Variants in CNTN4 observed in about 807,000 individuals in gnomAD.
CNTN4 encodes the protein contactin 4.
In CNTN4, 77 loss-of-function variants were observed where a neutral mutation model predicts 122.5. The observed-to-expected ratio is 0.63, with a 90% CI of 0.52 to 0.76. The LOEUF is 0.76. Ranked by LOEUF, CNTN4 falls within the 30% of genes least tolerant of loss-of-function variation. CNTN4 has a pLI of 0.00. For synonymous variants in CNTN4, 512 were observed against 447.0 expected, an observed-to-expected ratio of 1.15 and a Z score of -1.83; for missense variants, 1,256 against 1,259.1, an observed-to-expected ratio of 1.00 and a Z score of 0.04.
chr3:2,351,582 T>C (rs1025874247), intron 3 of CNTN4, among the ~76,000 whole-genome samples: 4 of 152,200 alleles, frequency 2.6e-5, no homozygotes, highest in Non-Finnish European at 4.4e-5. Flanking sequence ...GGTAGATACA[T>C]TCCCCGTGGA....
At chr3:2,875,107 C>G (rs190081008) in intron 8 of CNTN4, among the ~76,000 whole-genome samples, 1 of 151,992 alleles carries the variant, frequency 6.6e-6, no homozygotes, top group East Asian at 1.9e-4. Flanking sequence ...CCCAGCCTCC[C>G]GAGTAGCTGG....
At chr3:2,479,855 A>C (rs974440839) in intron 3 of CNTN4, among the ~76,000 whole-genome samples, 1 of 152,236 alleles carries the variant, frequency 6.6e-6, no homozygotes, top group Non-Finnish European at 1.5e-5. Context: ...TGAATGTAGA[A>C]GCAAAATCCT....
intron 4 of CNTN4, among the ~76,000 whole-genome samples, chr3:2,685,222 T>C (rs1013752386): frequency 6.6e-6 from 1 of 152,170 alleles, no homozygotes; most frequent in South Asian, 2.1e-4. Context: ...GTAACTTTTA[T>C]TGCAGAACTG....
chr3:2,827,555 A>G (rs1474423348), intron 7 of CNTN4, among the ~76,000 whole-genome samples: 1 of 152,236 alleles, frequency 6.6e-6, no homozygotes, highest in Non-Finnish European at 1.5e-5. Flanking sequence ...CTTTTCGGAT[A>G]TATCTCCCAA....
intron 4 of CNTN4, among the ~76,000 whole-genome samples, chr3:2,729,029 A>C (rs189024774): frequency 6.6e-6 from 1 of 152,338 alleles, no homozygotes; most frequent in East Asian, 1.9e-4. Context: ...TGACAAGTAG[A>C]CTTGAACCTG....
At chr3:2,698,497 TATTTTACA>T (rs895857980) in intron 4 of CNTN4, among the ~76,000 whole-genome samples, 1 of 152,190 alleles carries the variant, frequency 6.6e-6, no homozygotes, top group African/African-American at 2.4e-5. Context: ...GCCTTGTACT[TATTTTACA>T]AATAGGAAGC....
chr3:2,626,101 G>A (rs181315702), intron 4 of CNTN4, among the ~76,000 whole-genome samples: 10 of 152,290 alleles, frequency 6.6e-5, no homozygotes, highest in Non-Finnish European at 1.2e-4. Flanking sequence ...CTCTTGAGTT[G>A]CACACGTATT....
intron 6 of CNTN4, among the ~76,000 whole-genome samples, chr3:2,815,740 C>T (rs1313638519): frequency 1.3e-5 from 2 of 152,026 alleles, no homozygotes; most frequent in African/African-American, 2.4e-5. Flanking sequence ...TGAGTATCTA[C>T]CCAGAGGAAA....
chr3:2,214,205 T>G (rs540772447), intron 2 of CNTN4, among the ~76,000 whole-genome samples: 1 of 152,270 alleles, frequency 6.6e-6, no homozygotes, highest in African/African-American at 2.4e-5. Context: ...CTCCTGAGTA[T>G]GGAAATCTGG....
chr3:2,785,640 C>T (rs988878913), intron 6 of CNTN4, among the ~76,000 whole-genome samples: 2 of 152,134 alleles, frequency 1.3e-5, no homozygotes, highest in African/African-American at 4.8e-5. Context: ...TAGATGGGAA[C>T]TGGAAGGAAA....
chr3:2,331,791 A>G (rs2043734837), intron 2 of CNTN4, among the ~76,000 whole-genome samples: 1 of 152,220 alleles, frequency 6.6e-6, no homozygotes, highest in Admixed American at 6.5e-5. Flanking sequence ...GAAGGTTGCC[A>G]GGTGGAGACT....
At chr3:2,963,682 C>T (rs750259559) in intron 13 of CNTN4, among the ~76,000 whole-genome samples, 10 of 152,206 alleles carry the variant, frequency 6.6e-5, no homozygotes, top group Non-Finnish European at 1.5e-4. Context: ...CCCCAACACA[C>T]ACCAAAAGTC....
intron 4 of CNTN4, among the ~76,000 whole-genome samples, chr3:2,602,468 A>G (rs1163701652): frequency 1.3e-5 from 2 of 152,224 alleles, no homozygotes; most frequent in Non-Finnish European, 2.9e-5. Flanking sequence ...GAGCCAAATC[A>G]TCAGTGAACT....
At chr3:3,051,208 G>A (rs1476033531) in intron 23 of CNTN4, among the ~76,000 whole-genome samples, 2 of 152,132 alleles carry the variant, frequency 1.3e-5, no homozygotes, top group African/African-American at 4.8e-5. Context: ...TTAAATAGTG[G>A]AAGTAGTCTA....
intron 2 of CNTN4, among the ~76,000 whole-genome samples, chr3:2,123,452 T>G (rs758888553): frequency 2.8e-4 from 43 of 152,192 alleles, no homozygotes; most frequent in Admixed American, 3.9e-4. Context: ...CCAGGCAAAT[T>G]TAGGCAGTTC....
chr3:2,966,407 C>A (rs1692313011), intron 13 of CNTN4, among the ~76,000 whole-genome samples: 1 of 151,888 alleles, frequency 6.6e-6, no homozygotes, highest in Non-Finnish European at 1.5e-5. Context: ...CACGTTCTCA[C>A]CCACATGTAG....
intron 3 of CNTN4, among the ~76,000 whole-genome samples, chr3:2,481,609 G>A (rs900596301): frequency 2.2e-4 from 33 of 152,224 alleles, no homozygotes; most frequent in African/African-American, 7.7e-4. Flanking sequence ...ACCTCTTGAA[G>A]ATAACAAGGA....
intron 3 of CNTN4, among the ~76,000 whole-genome samples, chr3:2,515,066 C>T (rs1032131740): frequency 4.6e-5 from 7 of 152,116 alleles, no homozygotes; most frequent in Non-Finnish European, 7.4e-5. Context: ...ACTTTAGAAA[C>T]GAGGTTCGGA....
chr3:2,410,826 C>T (rs2047201324), intron 3 of CNTN4, among the ~76,000 whole-genome samples: 1 of 152,150 alleles, frequency 6.6e-6, no homozygotes, highest in Non-Finnish European at 1.5e-5. Context: ...ATTAAAAGAG[C>T]AGTAGCATAG....
Sources: allele counts gnomAD v4.1 joint callset (sites outside exome capture counted in the v4.1 genomes callset), GRCh38; gene constraint gnomAD v4.1.1; transcripts MANE v1.5; gene names NCBI Gene and HGNC (gene_info 2026-07-23, HGNC 2026-07-21).